The following SIL1 variants were observed in gnomAD, a reference collection of about 807,000 sequenced individuals.
SIL1 encodes the protein SIL1 nucleotide exchange factor.
A neutral mutation model predicts 49.1 loss-of-function variants in SIL1; 40 were observed. The observed-to-expected ratio is 0.81, with a 90% CI of 0.63 to 1.06. SIL1 has a LOEUF of 1.06. SIL1 is among the 50% of genes least tolerant of loss of function. The pLI is 0.00. For synonymous variants in SIL1, 253 were observed against 250.8 expected (o/e 1.01, Z -0.08); for missense variants, 500 against 572.6 (o/e 0.87, Z 1.29).
chr5:139,097,028 AGGGAACATCGGTG>A (rs562553646), intron 3 of SIL1, among the ~76,000 whole-genome samples: 92 of 152,218 alleles, frequency 6.0e-4, no homozygotes, highest in African/African-American at 2.1e-3. Context: ...TTGGGCCTTA[AGGGAACATCGGTG>A]GTAGTCTGGC....
At chr5:139,139,944 C>G (rs550378290) in intron 1 of SIL1, among the ~76,000 whole-genome samples, 48 of 152,226 alleles carry the variant, frequency 3.2e-4, no homozygotes, top group Non-Finnish European at 5.4e-4. Flanking sequence ...GCCTGGCCAA[C>G]ATGGTGAAAC....
chr5:139,189,752 C>A (rs1752134970), intron 1 of SIL1, among the ~76,000 whole-genome samples: 1 of 152,174 alleles, frequency 6.6e-6, no homozygotes, highest in East Asian at 1.9e-4. Context: ...ACCTGGGAAG[C>A]AGAGGTTGCA....
At chr5:139,182,227 C>G (rs933629659) in intron 1 of SIL1, among the ~76,000 whole-genome samples, 1 of 152,136 alleles carries the variant, frequency 6.6e-6, no homozygotes, top group African/African-American at 2.4e-5. Flanking sequence ...CACAAAAAGG[C>G]ACTGTTCCCT....
In SIL1 at chr5:139,191,066, T is replaced by C. The variant is rs551564103; in HGVS notation, c.-11+7203A>G. ...GGCCAACATGGTAAAACCCCATCTC[T>C]ACTGCAAATACAAAAATTAGCCGGC... On this transcript the variant is annotated intron_variant, in intron 1 of 9. Coordinates refer to ENST00000394817, the MANE Select transcript of SIL1 (RefSeq NM_022464.5). Among the ~76,000 whole-genome samples the C allele has an allele frequency of 8.6e-5, 13 of 152,044 alleles. No homozygotes were observed. In the South Asian group the frequency reaches 2.7e-3, roughly 32 times the overall value.
At chr5:139,103,849 A>G (rs957428850) in intron 3 of SIL1, among the ~76,000 whole-genome samples, 1 of 151,720 alleles carries the variant, frequency 6.6e-6, no homozygotes, top group African/African-American at 2.4e-5. Context: ...CATCCAATAA[A>G]TGCTGCCCTA....
At chr5:138,993,804 A>T (rs1226618162) in intron 7 of SIL1, among the ~76,000 whole-genome samples, 2 of 152,236 alleles carry the variant, frequency 1.3e-5, no homozygotes, top group Non-Finnish European at 2.9e-5. Flanking sequence ...GTCAAGTGCC[A>T]TATTAGACCC....
chr5:139,174,065 GAAGA>G (rs1310612740), intron 1 of SIL1, among the ~76,000 whole-genome samples: 1 of 150,824 alleles, frequency 6.6e-6, no homozygotes, highest in African/African-American at 2.4e-5. Context: ...AAAGCTAGCA[GAAGA>G]AAGAAAATAA....
intron 1 of SIL1, among the ~76,000 whole-genome samples, chr5:139,184,034 A>G (rs1325224486): frequency 6.6e-6 from 1 of 152,208 alleles, no homozygotes; most frequent in Non-Finnish European, 1.5e-5. Context: ...GTATTGCCCC[A>G]TTGAAGCTTT....
chr5:139,049,428 C>T (rs754781151), intron 4 of SIL1, among the ~76,000 whole-genome samples: 2 of 152,168 alleles, frequency 1.3e-5, no homozygotes, highest in Non-Finnish European at 2.9e-5. Flanking sequence ...CCGCCGGCCT[C>T]GGCCTCCCAA....
At chr5:139,184,386 T>C (rs529740756) in intron 1 of SIL1, among the ~76,000 whole-genome samples, 34 of 152,130 alleles carry the variant, frequency 2.2e-4, no homozygotes, top group Admixed American at 1.2e-3. Context: ...ATGGGGGTGT[T>C]GTGTGGCCAG....
intron 4 of SIL1, among the ~76,000 whole-genome samples, chr5:139,044,228 G>A (rs1239104284): frequency 6.6e-6 from 1 of 152,144 alleles, no homozygotes; most frequent in Non-Finnish European, 1.5e-5. Context: ...AGAGAATCCT[G>A]AATCCCTCTC....
chr5:138,961,950 G>C (rs1457025534), intron 7 of SIL1, among the ~76,000 whole-genome samples: 1 of 131,424 alleles, frequency 7.6e-6, no homozygotes, highest in East Asian at 2.1e-4. Context: ...ATGTTCTCTA[G>C]ACTTTTTTTT....
chr5:138,995,316 C>T (rs1767841933), intron 7 of SIL1, among the ~76,000 whole-genome samples: 1 of 149,852 alleles, frequency 6.7e-6, no homozygotes, highest in Admixed American at 6.6e-5. Flanking sequence ...GGCGTGATCT[C>T]GGCTCACCAC....
At chr5:139,103,771 G>C (rs1770643585) in intron 3 of SIL1, among the ~76,000 whole-genome samples, 1 of 152,168 alleles carries the variant, frequency 6.6e-6, no homozygotes, top group Non-Finnish European at 1.5e-5. Flanking sequence ...GAAGTTCAAG[G>C]GAAGCCAGGA....
intron 7 of SIL1, among the ~76,000 whole-genome samples, chr5:138,966,028 T>C (rs779654683): frequency 3.2e-4 from 48 of 152,176 alleles, no homozygotes; most frequent in Admixed American, 5.2e-4. Flanking sequence ...ACCCTACTTA[T>C]ACAGATGAGG....
intron 1 of SIL1, among the ~76,000 whole-genome samples, chr5:139,186,246 T>C (rs938063159): frequency 2.6e-5 from 4 of 152,184 alleles, no homozygotes; most frequent in Non-Finnish European, 5.9e-5. Context: ...AGACCATAGA[T>C]GTTCTACAGG....
intron 1 of SIL1, among the ~76,000 whole-genome samples, chr5:139,136,286 G>T (rs1314239437): frequency 6.6e-6 from 1 of 152,196 alleles, no homozygotes; most frequent in Non-Finnish European, 1.5e-5. Context: ...AATGCCATTA[G>T]GCGTGGAACT....
intron 3 of SIL1, among the ~76,000 whole-genome samples, chr5:139,082,029 C>T (rs532746220): frequency 6.6e-6 from 1 of 152,304 alleles, no homozygotes; most frequent in South Asian, 2.1e-4. Context: ...AGAAATCTAG[C>T]ATTACAAATT....
chr5:139,051,206 A>G (rs1385785850), intron 3 of SIL1, 160 bp from the exon 4 acceptor site: 1 of 684,738 alleles, frequency 1.5e-6, no homozygotes, highest in Non-Finnish European at 2.7e-6. Flanking sequence ...GAACACACAC[A>G]CCACTCGCAT....
Sources: allele counts gnomAD v4.1 joint callset (sites outside exome capture counted in the v4.1 genomes callset), GRCh38; gene constraint gnomAD v4.1.1; transcripts MANE v1.5; gene names NCBI Gene and HGNC (gene_info 2026-07-23, HGNC 2026-07-21).